Variants in LMO7 observed in about 807,000 individuals in gnomAD.
LMO7 encodes LIM domain 7, also known as LIM domain only protein 7.
LMO7 carries 120 observed loss-of-function variants against 206.5 expected under a neutral mutation model. The observed-to-expected ratio is 0.58, with a 90% CI of 0.50 to 0.68. The LOEUF (loss-of-function observed/expected upper bound fraction) is 0.68. LMO7 is among the 30% of genes least tolerant of loss of function. The pLI, the probability that LMO7 is intolerant of heterozygous loss-of-function variation, is 0.00. For missense variants in LMO7, 1,959 were observed against 1,957.9 expected (o/e 1.00, Z -0.01); for synonymous variants, 706 against 681.5 (o/e 1.04, Z -0.56).
intron 1 of LMO7, among the ~76,000 whole-genome samples, chr13:75,647,442 C>G (rs2037133009): frequency 6.6e-6 from 1 of 152,096 alleles, no homozygotes; most frequent in South Asian, 2.1e-4. Context: ...GCCAAATTTA[C>G]TTTATTTAAC....
chr13:75,727,006 A>C, intron 2 of LMO7, 23 bp from the exon 3 acceptor site: 3 of 1,331,192 alleles, frequency 2.3e-6, no homozygotes, highest in Non-Finnish European at 3.2e-6. Flanking sequence ...TTGTAATTGC[A>C]TCTGTTATTT....
intron 1 of LMO7, among the ~76,000 whole-genome samples, chr13:75,645,331 C>T (rs1477910864): frequency 6.6e-6 from 1 of 152,044 alleles, no homozygotes; most frequent in African/African-American, 2.4e-5. Context: ...GATGTGTGAA[C>T]AGGGAAAGAA....
chr13:75,743,662 A>G (rs2046602884), intron 3 of LMO7, among the ~76,000 whole-genome samples: 1 of 152,186 alleles, frequency 6.6e-6, no homozygotes, highest in African/African-American at 2.4e-5. Flanking sequence ...GAACACGTGG[A>G]CACAGAGGAG....
chr13:75,659,043 T>C (rs2139232891), intron 1 of LMO7, among the ~76,000 whole-genome samples: 1 of 107,260 alleles, frequency 9.3e-6, no homozygotes, highest in Middle Eastern at 5.0e-3. Context: ...ATCTCTTTCC[T>C]TCCACTCATT....
intron 7 of LMO7, among the ~76,000 whole-genome samples, chr13:75,801,287 T>C (rs1189672960): frequency 1.3e-5 from 2 of 151,960 alleles, no homozygotes; most frequent in Non-Finnish European, 2.9e-5. Flanking sequence ...ATCCTTGGCT[T>C]TTTTCAAAAG....
intron 1 of LMO7, among the ~76,000 whole-genome samples, chr13:75,704,131 G>GTATA (rs2042487257): frequency 6.6e-6 from 1 of 152,138 alleles, no homozygotes; most frequent in African/African-American, 2.4e-5. Flanking sequence ...TTTAGAGAAG[G>GTATA]CATCCAGCTC....
At chr13:75,635,915 C>CAGCGGGGGAGGTTTCTT (rs1181324137), upstream of LMO7, 1 of 152,220 alleles carries the variant, frequency 6.6e-6, no homozygotes, top group East Asian at 1.9e-4. Flanking sequence ...CCGCGCTCCC[C>CAGCGGGGGAGGTTTCTT]AGCGGGGGAG....
At chr13:75,734,822 G>A (rs776581350) in intron 3 of LMO7, among the ~76,000 whole-genome samples, 7 of 152,164 alleles carry the variant, frequency 4.6e-5, no homozygotes, top group Admixed American at 2.0e-4. Context: ...TATATAGGCC[G>A]GGTGTGGTGG....
intron 1 of LMO7, among the ~76,000 whole-genome samples, chr13:75,638,609 G>A (rs1405090973): frequency 6.6e-6 from 1 of 151,942 alleles, no homozygotes. Context: ...CAGTATGTTT[G>A]CCTTCATTGT....
chr13:75,698,856 AG>A, intron 1 of LMO7, among the ~76,000 whole-genome samples: 1 of 152,302 alleles, frequency 6.6e-6, no homozygotes, highest in Non-Finnish European at 1.5e-5. Flanking sequence ...ACTCTTTTAA[AG>A]TATATAATTC....
chr13:75,625,793 A>G (rs1217069281), intron 2 of LMO7, among the ~76,000 whole-genome samples: 1 of 152,170 alleles, frequency 6.6e-6, no homozygotes, highest in Non-Finnish European at 1.5e-5. Context: ...GAGCATTCTG[A>G]ACCGATCTTC....
intron 6 of LMO7, among the ~76,000 whole-genome samples, chr13:75,797,483 G>C (rs2054180819): frequency 6.6e-6 from 1 of 152,172 alleles, no homozygotes; most frequent in Non-Finnish European, 1.5e-5. Context: ...GAAATTTGTA[G>C]GACTCAGAAG....
chr13:75,641,424 A>G (rs1171311871), intron 1 of LMO7, among the ~76,000 whole-genome samples: 2 of 152,234 alleles, frequency 1.3e-5, no homozygotes, highest in Non-Finnish European at 2.9e-5. Flanking sequence ...GATTTTAAGT[A>G]TACCATTGTA....
At chr13:75,765,708 A>G (rs891953490) in intron 4 of LMO7, among the ~76,000 whole-genome samples, 3 of 152,086 alleles carry the variant, frequency 2.0e-5, no homozygotes, top group Non-Finnish European at 4.4e-5. Flanking sequence ...GCTGCAGGGA[A>G]CGGTTGTGGG....
At chr13:75,628,421 G>T (rs1484162406) in intron 2 of LMO7, 1 of 152,158 alleles carries the variant, frequency 6.6e-6, no homozygotes. Context: ...GTATGGAATT[G>T]AACCTTCTTG....
At chr13:75,636,923 T>C (rs928120049) in intron 1 of LMO7, among the ~76,000 whole-genome samples, 197 bp downstream of exon 1, 1 of 152,162 alleles carries the variant, frequency 6.6e-6, no homozygotes, top group East Asian at 1.9e-4. Flanking sequence ...CCCGCTTAGA[T>C]TGGCGCTGCC....
intron 3 of LMO7, among the ~76,000 whole-genome samples, chr13:75,735,250 CCCACT>C (rs1280849076): frequency 4.0e-5 from 6 of 151,870 alleles, no homozygotes; most frequent in Non-Finnish European, 8.8e-5. Flanking sequence ...TTGTCCCACC[CCCACT>C]CACCCCCTCT....
intron 4 of LMO7, among the ~76,000 whole-genome samples, chr13:75,785,754 A>G (rs940638826): frequency 9.2e-5 from 14 of 152,210 alleles, no homozygotes; most frequent in Admixed American, 3.3e-4. Flanking sequence ...TTCATGGTAC[A>G]GTTTGCAAAA....
intron 4 of LMO7, among the ~76,000 whole-genome samples, chr13:75,775,695 T>C (rs2050279925): frequency 6.6e-6 from 1 of 152,024 alleles, no homozygotes; most frequent in Admixed American, 6.6e-5. Flanking sequence ...AACAAACACA[T>C]GAAAAACATG....
Sources: gnomAD v4.1 joint callset for allele counts (sites outside exome capture counted in the v4.1 genomes callset) on GRCh38, gnomAD v4.1.1 for gene constraint, MANE v1.5 for transcripts, NCBI Gene and HGNC (gene_info 2026-07-23, HGNC 2026-07-21) for gene names.